POU3F3: variants seen among roughly 807,000 people sequenced by gnomAD.
The protein encoded by POU3F3 is POU domain, class 3, transcription factor 3.
POU3F3 carries 1 observed loss-of-function variant against 8.6 expected under a neutral mutation model. The ratio of observed to expected loss-of-function variants is 0.12; its 90% confidence interval spans 0.04 to 0.55. The LOEUF is 0.55. Ranked by LOEUF, POU3F3 falls within the 20% of genes least tolerant of loss-of-function variation. POU3F3 has a pLI of 0.91. For synonymous variants in POU3F3, 418 were observed against 327.4 expected (o/e 1.28, Z -2.99); for missense variants, 577 against 690.7 (o/e 0.84, Z 1.84).
the POU3F3 span, among the ~76,000 whole-genome samples, chr2:104,913,910 CT>C: frequency 6.6e-6 from 1 of 152,126 alleles, no homozygotes; most frequent in Non-Finnish European, 1.5e-5. Context: ...GTATACATAG[CT>C]TTTGCCTTTT....
chr2:104,906,975 G>A, the POU3F3 span, among the ~76,000 whole-genome samples: 2 of 152,080 alleles, frequency 1.3e-5, no homozygotes, highest in African/African-American at 2.4e-5. Context: ...CGTATCTGTC[G>A]GGGTTGGCTT....
rs1212571227 is a variant in POU3F3, at chr2:104,855,908, C to T, written c.398C>T (p.Pro133Leu). Residue 133 changes from proline (P) to leucine (L), a missense_variant, in exon 1 of 1, where the codon CCC becomes CTC. Physicochemically the swap from Pro to Leu is moderately conservative, Grantham distance 98. Transcript: ENST00000361360. ...SGSAVGMAGS[P>L]QQPPQPPPPP... Reference sequence around the variant, plus strand: ...AGCGCCGTGGGCATGGCTGGCAGCCCCCAGCAGCCACCGCAGCCGCCGCCG... The same window carrying T: ...AGCGCCGTGGGCATGGCTGGCAGCCTCCAGCAGCCACCGCAGCCGCCGCCG... The T allele has an allele frequency of 9.3e-7, 1 of 1,071,018 alleles. No individual in the cohort carries two copies. Among genetic ancestry groups the T allele is most frequent in the Non-Finnish European group, 1.1e-6 (1 of 885,650 alleles). 66.3% of individuals were successfully genotyped at this position (1,071,018 alleles called of 1,614,324 possible). A position where few individuals can be genotyped will look rare whatever the true frequency, so the allele number is the denominator to read the frequency against.
downstream of POU3F3, among the ~76,000 whole-genome samples, chr2:104,859,462 A>G (rs1453934362): frequency 6.6e-6 from 1 of 152,236 alleles, no homozygotes; most frequent in Non-Finnish European, 1.5e-5. Context: ...ACTTAAAAGT[A>G]TTTAGCAGTG....
At chr2:104,897,037 C>T in the POU3F3 span, among the ~76,000 whole-genome samples, 1 of 152,184 alleles carries the variant, frequency 6.6e-6, no homozygotes, top group Non-Finnish European at 1.5e-5. Context: ...CTCCTCTCTC[C>T]TTGAAAGCTT....
chr2:104,927,686 G>A, the POU3F3 span, among the ~76,000 whole-genome samples: 29 of 144,040 alleles, frequency 2.0e-4, no homozygotes, highest in African/African-American at 7.5e-4. Flanking sequence ...GTTTAAGGCT[G>A]CAGTGAATTA....
downstream of POU3F3, among the ~76,000 whole-genome samples, chr2:104,859,501 C>T (rs553587742): frequency 2.6e-5 from 4 of 152,252 alleles, no homozygotes; most frequent in African/African-American, 9.6e-5. Flanking sequence ...AGACAAATTC[C>T]CCCCAATCTC....
the POU3F3 span, among the ~76,000 whole-genome samples, chr2:104,903,864 A>G: frequency 6.6e-6 from 1 of 152,082 alleles, no homozygotes; most frequent in Non-Finnish European, 1.5e-5. Context: ...CTACATTAAG[A>G]TTTGGTTCTG....
downstream of POU3F3, among the ~76,000 whole-genome samples, chr2:104,860,375 G>A (rs1015531507): frequency 6.6e-6 from 1 of 152,174 alleles, no homozygotes; most frequent in African/African-American, 2.4e-5. Flanking sequence ...ATATAACTGA[G>A]AGGTTTTGTG....
the POU3F3 span, among the ~76,000 whole-genome samples, chr2:104,863,629 CA>C: frequency 6.6e-6 from 1 of 152,064 alleles, no homozygotes; most frequent in African/African-American, 2.4e-5. Context: ...GAGCGGAGGA[CA>C]AAGTAAAGAC....
At chr2:104,912,956 C>A in the POU3F3 span, among the ~76,000 whole-genome samples, 7 of 152,308 alleles carry the variant, frequency 4.6e-5, no homozygotes, top group African/African-American at 1.7e-4. Context: ...CTTTTTCAAC[C>A]CAATAAATTT....
chr2:104,921,163 G>C, the POU3F3 span, among the ~76,000 whole-genome samples: 1 of 152,214 alleles, frequency 6.6e-6, no homozygotes. Flanking sequence ...GCAACCAGCT[G>C]TGTATCTGGC....
In POU3F3 at chr2:104,855,679, G is replaced by A; in HGVS notation, c.169G>A (p.Ala57Thr). Residue 57 changes from alanine to threonine, a missense_variant, in exon 1 of 1, where the codon GCC becomes ACC. Coordinates refer to ENST00000361360, the MANE Select transcript of POU3F3 (RefSeq NM_006236.3). ...GGGGMQPGSA[A>T]VTSGAYRGDP... is the part of the protein sequence containing the mutation. Reference sequence around the variant, plus strand: ...CGGCGGCATGCAGCCGGGCAGCGCCGCCGTGACCTCGGGCGCCTACCGGGG... The same window carrying A: ...CGGCGGCATGCAGCCGGGCAGCGCCACCGTGACCTCGGGCGCCTACCGGGG... 1 of 1,151,112 alleles carries A rather than the reference G, an allele frequency of 8.7e-7. No homozygotes were observed. Among genetic ancestry groups the A allele is most frequent in the Non-Finnish European group, 1.1e-6 (1 of 922,424 alleles). The allele number at this position is 1,151,112 out of a possible 1,614,324, so 71.3% of individuals were successfully genotyped here. A position where few individuals can be genotyped will look rare whatever the true frequency, so the allele number is the denominator to read the frequency against.
At chr2:104,913,348 G>A in the POU3F3 span, among the ~76,000 whole-genome samples, 1 of 152,110 alleles carries the variant, frequency 6.6e-6, no homozygotes, top group African/African-American at 2.4e-5. Context: ...ATTCTCAGGG[G>A]ATCCTCTGGA....
the POU3F3 span, among the ~76,000 whole-genome samples, chr2:104,890,178 G>C: frequency 1.3e-5 from 2 of 152,282 alleles, no homozygotes; most frequent in South Asian, 4.1e-4. Context: ...GTGGAGCCAC[G>C]AGAAGTTTGC....
At chr2:104,878,147 G>A in the POU3F3 span, among the ~76,000 whole-genome samples, 1 of 152,188 alleles carries the variant, frequency 6.6e-6, no homozygotes, top group Admixed American at 6.5e-5. Flanking sequence ...GAATTGGCTG[G>A]TTTCTAGTAG....
the POU3F3 span, among the ~76,000 whole-genome samples, chr2:104,900,347 G>A: frequency 4.6e-5 from 7 of 152,164 alleles, no homozygotes; most frequent in African/African-American, 1.7e-4. Context: ...ATATGGAATG[G>A]TAAAGAAGAA....
the POU3F3 span, among the ~76,000 whole-genome samples, chr2:104,903,505 T>C: frequency 4.6e-5 from 7 of 152,234 alleles, no homozygotes; most frequent in African/African-American, 1.7e-4. Context: ...CTGCACGCTT[T>C]ATGTGTGCTG....
chr2:104,888,282 T>C, the POU3F3 span, among the ~76,000 whole-genome samples: 2 of 152,238 alleles, frequency 1.3e-5, no homozygotes, highest in African/African-American at 4.8e-5. Flanking sequence ...GTCTAACATA[T>C]TAGTTTCTGT....
chr2:104,877,574 T>G, the POU3F3 span, among the ~76,000 whole-genome samples: 2 of 151,432 alleles, frequency 1.3e-5, no homozygotes, highest in South Asian at 2.1e-4. Flanking sequence ...GCCAAGAGAG[T>G]GATGTGTGCA....
Sources: gnomAD v4.1 joint callset for allele counts (sites outside exome capture counted in the v4.1 genomes callset) on GRCh38, gnomAD v4.1.1 for gene constraint, MANE v1.5 for transcripts, NCBI Gene and HGNC (gene_info 2026-07-23, HGNC 2026-07-21) for gene names.